Variants in PSD2 observed in about 807,000 individuals in gnomAD.
PSD2 encodes the protein pleckstrin and Sec7 domain containing 2.
Under a neutral mutation model 69.8 loss-of-function variants are expected in PSD2, and 38 were observed. The ratio of observed to expected loss-of-function variants is 0.54; its 90% CI spans 0.42 to 0.71. The LOEUF is 0.71. Ranked by LOEUF, PSD2 falls within the 30% of genes least tolerant of loss-of-function variation. The pLI, the probability that PSD2 is intolerant of heterozygous loss-of-function variation, is 0.00. For missense variants in PSD2, 943 were observed against 1,014.5 expected, an observed-to-expected ratio of 0.93 and a Z score of 0.96; for synonymous variants, 412 against 423.0, an observed-to-expected ratio of 0.97 and a Z score of 0.32.
At position 139,814,341 on chromosome 5, in the gene PSD2, T is replaced by G. The variant is rs770537068; in HGVS notation, c.993T>G (p.Asp331Glu). Residue 331 changes from aspartate (D) to glutamate (E), a missense_variant, in exon 4 of 15, where the codon GAT becomes GAG. By Grantham distance (45) the Asp-to-Glu change is conservative. This residue lies in a region of PSD2 where 466 missense variants were observed against 445.0 expected (regional missense o/e 1.05). Coordinates refer to ENST00000274710, the MANE Select transcript of PSD2 (RefSeq NM_032289.4). The surrounding 1 kb of genome is among the most constrained non-coding windows in gnomAD (Gnocchi z 4.4). ...LYHLEGFQRC[D>E]VARQLGKNNE... ...ACCTCGAGGGCTTCCAGCGCTGTGATGTGGCCCGGCAGCTGGGCAAGAAGT... is the reference window on the plus strand; with the variant it reads ...ACCTCGAGGGCTTCCAGCGCTGTGAGGTGGCCCGGCAGCTGGGCAAGAAGT... The G allele has an allele frequency of 8.7e-6, 14 of 1,605,778 alleles. No individual in the cohort carries two copies. The highest frequency in any genetic ancestry group is 1.1e-5 in the Non-Finnish European group (13 of 1,176,382).
intron 2 of PSD2, among the ~76,000 whole-genome samples, chr5:139,812,048 A>G (rs1759981292): frequency 6.6e-6 from 1 of 152,060 alleles, no homozygotes; most frequent in Non-Finnish European, 1.5e-5. Flanking sequence ...GGTGGATAAG[A>G]ATCTTCCCAG....
the PSD2 span, among the ~76,000 whole-genome samples, chr5:139,788,330 C>T: frequency 6.6e-6 from 1 of 152,232 alleles, no homozygotes; most frequent in Non-Finnish European, 1.5e-5. Context: ...CCTCCTCTCC[C>T]CGCCCAGCTT....
intron 1 of PSD2, among the ~76,000 whole-genome samples, chr5:139,798,514 C>T (rs559933817): frequency 1.2e-3 from 178 of 152,288 alleles, no homozygotes; most frequent in Non-Finnish European, 2.0e-3. Flanking sequence ...CTCTTTGGAA[C>T]GTCTCCCTCC....
chr5:139,774,753 G>A, the PSD2 span, among the ~76,000 whole-genome samples: 3 of 152,124 alleles, frequency 2.0e-5, no homozygotes, highest in African/African-American at 7.2e-5. Flanking sequence ...GCCTCCCAAA[G>A]TGCCAGGATT....
the PSD2 span, among the ~76,000 whole-genome samples, chr5:139,752,673 C>A: frequency 5.9e-5 from 9 of 152,268 alleles, no homozygotes; most frequent in Admixed American, 2.0e-4. Context: ...CACACAGGCA[C>A]AGAAACACAC....
intron 7 of PSD2, among the ~76,000 whole-genome samples, chr5:139,823,961 C>T (rs55750332): frequency 8.5e-5 from 13 of 152,286 alleles, no homozygotes; most frequent in Non-Finnish European, 1.6e-4. Flanking sequence ...AGCAAATATG[C>T]GACAGCTTTT....
In PSD2 at chr5:139,837,461, C is replaced by A. The variant is rs887557440; in HGVS notation, c.1666-164C>A. 6.6e-6 allele frequency among the ~76,000 whole-genome samples: 1 copy of A among 152,014 alleles called. No homozygotes were observed. The highest frequency in any genetic ancestry group is 2.4e-5 in the African/African-American group (1 of 41,378). ...ATGAGGCCTGTTCAGGCCTCTGGGA[C>A]AAACTGGGGTAAGGGGAGGAGTACC... On this transcript the variant is annotated intron_variant, in intron 11 of 14. Transcript: ENST00000274710. The surrounding 1 kb of genome is among the most constrained non-coding windows in gnomAD (Gnocchi z 5.0).
chr5:139,787,567 G>A, the PSD2 span, among the ~76,000 whole-genome samples: 1 of 152,244 alleles, frequency 6.6e-6, no homozygotes, highest in African/African-American at 2.4e-5. Flanking sequence ...AGCGTTTGTT[G>A]GTGTTCTCTC....
the PSD2 span, among the ~76,000 whole-genome samples, chr5:139,780,133 C>G: frequency 6.6e-6 from 1 of 152,182 alleles, no homozygotes; most frequent in Non-Finnish European, 1.5e-5. Context: ...TTTATACTCC[C>G]ACCAACATTT....
intron 1 of PSD2, among the ~76,000 whole-genome samples, chr5:139,800,787 G>A (rs1759651688): frequency 6.6e-6 from 1 of 152,220 alleles, no homozygotes; most frequent in South Asian, 2.1e-4. Flanking sequence ...CTTTTGCAGA[G>A]ATCCTGGCCT....
At chr5:139,787,929 T>C in the PSD2 span, among the ~76,000 whole-genome samples, 8 of 152,254 alleles carry the variant, frequency 5.3e-5, no homozygotes, top group South Asian at 1.7e-3. Flanking sequence ...ATAGGAGACT[T>C]TGAGAACGGG....
chr5:139,841,785 T>C (rs1375810454), intron 14 of PSD2, among the ~76,000 whole-genome samples: 2 of 152,228 alleles, frequency 1.3e-5, no homozygotes, highest in Admixed American at 6.5e-5. Context: ...TTGTTGGCCG[T>C]TTGTATGCTT....
chr5:139,771,652 A>G, the PSD2 span, among the ~76,000 whole-genome samples: 1 of 152,094 alleles, frequency 6.6e-6, no homozygotes, highest in East Asian at 1.9e-4. Flanking sequence ...TGCTGGGATT[A>G]CAGTCTTGAG....
the PSD2 span, among the ~76,000 whole-genome samples, chr5:139,778,707 T>G: frequency 6.6e-6 from 1 of 151,922 alleles, no homozygotes; most frequent in Admixed American, 6.6e-5. Context: ...AAGGATCGCT[T>G]GAGCCCAGGA....
rs774202298 is a variant in PSD2, at chr5:139,809,467, A to G, written c.27A>G (p.Ala9=). 1.9e-6 allele frequency: 3 copies of G among 1,612,350 alleles called. No individual in the cohort carries two copies. In the African/African-American group the frequency reaches 4.0e-5, roughly 22 times the overall value. The stretch of plus-strand genomic sequence containing the variant: ...TGGAGGAGGACAAGCTCTTATCTGC[A>G]GTGCCTGAGGAAGGCGATGCCACCC... MEEDKLLS[A]VPEEGDATRD... Residue 9 remains alanine (A), a synonymous_variant, in exon 2 of 15, where the codon GCA becomes GCG. Transcript: ENST00000274710.
chr5:139,795,184 A>C (rs1290722438), upstream of PSD2, among the ~76,000 whole-genome samples: 3 of 145,402 alleles, frequency 2.1e-5, no homozygotes, highest in Admixed American at 6.8e-5. The surrounding 1 kb of genome is among the most constrained non-coding windows in gnomAD (Gnocchi z 4.5). Flanking sequence ...CTCCCATCCC[A>C]CTCTGTCCCG....
chr5:139,767,992 C>G, the PSD2 span, among the ~76,000 whole-genome samples: 3 of 152,234 alleles, frequency 2.0e-5, no homozygotes, highest in African/African-American at 7.2e-5. Flanking sequence ...GAGAGAGGGA[C>G]AAGAAGACCT....
At chr5:139,801,204 C>CAAAAAAAA (rs56715764) in intron 1 of PSD2, among the ~76,000 whole-genome samples, 1 of 127,122 alleles carries the variant, frequency 7.9e-6, no homozygotes. Context: ...GACTCCATCT[C>CAAAAAAAA]AAAAAAAAAA....
upstream of PSD2, among the ~76,000 whole-genome samples, chr5:139,793,158 G>A (rs939303635): frequency 6.6e-6 from 1 of 152,092 alleles, no homozygotes; most frequent in African/African-American, 2.4e-5. Flanking sequence ...GGCCAGGCTG[G>A]TCTCGAGCTC....
Sources: allele counts gnomAD v4.1 joint callset (sites outside exome capture counted in the v4.1 genomes callset), GRCh38; gene constraint gnomAD v4.1.1; regional missense constraint gnomAD v4.1.1; non-coding constraint Gnocchi (gnomAD v3.1); transcripts MANE v1.5; gene names NCBI Gene and HGNC (gene_info 2026-07-23, HGNC 2026-07-21).